The following PRDM7 variants were observed in gnomAD, a reference collection of about 807,000 sequenced individuals.
PRDM7 encodes histone-lysine N-methyltransferase PRDM7.
Under a neutral mutation model 64.3 loss-of-function variants are expected in PRDM7, and 52 were observed. That is an observed-to-expected ratio of 0.81 (90% CI 0.65 to 1.02). The LOEUF is 1.02. Ranked by LOEUF, PRDM7 falls within the 50% of genes least tolerant of loss-of-function variation. PRDM7 has a pLI of 0.00. For synonymous variants in PRDM7, 192 were observed against 210.1 expected (o/e 0.91, Z 0.74); for missense variants, 574 against 597.1 (o/e 0.96, Z 0.40).
chr16:90,063,819 T>A, intron 5 of PRDM7, 51 bp from the exon 6 acceptor site: 1 of 1,597,662 alleles, frequency 6.3e-7, no homozygotes, highest in Non-Finnish European at 8.6e-7. Context: ...TATTTAGTTC[T>A]TTACGGCTTG....
intron 4 of PRDM7, among the ~76,000 whole-genome samples, chr16:90,068,651 A>C (rs2151310797): frequency 6.6e-6 from 1 of 151,204 alleles, no homozygotes; most frequent in East Asian, 1.9e-4. Context: ...AAAAAAAAAA[A>C]AGAAGTAATA....
intron 4 of PRDM7, among the ~76,000 whole-genome samples, chr16:90,073,441 C>T (rs2037990890): frequency 1.3e-5 from 2 of 151,238 alleles, no homozygotes; most frequent in Non-Finnish European, 2.9e-5. Flanking sequence ...GCTCTGTCGC[C>T]CAGGCCGGAG....
At chr16:90,069,417 C>G (rs1255392270) in intron 4 of PRDM7, among the ~76,000 whole-genome samples, 1 of 151,292 alleles carries the variant, frequency 6.6e-6, no homozygotes, top group Non-Finnish European at 1.5e-5. Flanking sequence ...GAAGAAAACA[C>G]AGAGGAAAAG....
intron 5 of PRDM7, among the ~76,000 whole-genome samples, chr16:90,066,072 T>C (rs2151309189): frequency 6.6e-6 from 1 of 151,518 alleles, no homozygotes; most frequent in East Asian, 1.9e-4. Flanking sequence ...TACTGCCTTC[T>C]ACAGGAATGA....
Position 90,075,827 on chromosome 16 carries a change from T to A in PRDM7, c.69+15A>T. 1 of 1,613,004 alleles carries A rather than the reference T, an allele frequency of 6.2e-7. No homozygotes were observed. Among genetic ancestry groups the A allele is most frequent in the Middle Eastern group, 1.6e-4 (1 of 6,062 alleles). ...CTCCTGCTGGGAGTCTGGCTTCGCC[T>A]CCCCGACTTCTCACCATGGGCTTCC... On this transcript the variant is annotated intron_variant, in intron 2 of 10. Transcript: ENST00000449207. The surrounding 1 kb of genome is among the most constrained non-coding windows in gnomAD (Gnocchi z 4.3).
intron 4 of PRDM7, among the ~76,000 whole-genome samples, chr16:90,068,771 CA>C (rs1442947555): frequency 6.6e-6 from 1 of 150,948 alleles, no homozygotes; most frequent in Non-Finnish European, 1.5e-5. Flanking sequence ...ACAATAGCAT[CA>C]AAAAGAATAG....
At chr16:90,063,503 C>G in intron 6 of PRDM7, 109 bp downstream of exon 6, 1 of 1,225,152 alleles carries the variant, frequency 8.2e-7, no homozygotes, top group Admixed American at 2.3e-5. Flanking sequence ...ACAGTTGAGT[C>G]CAGCTTAAGC....
At chr16:90,062,603 C>T (rs1467471516) in intron 6 of PRDM7, 101 bp from the exon 7 acceptor site, 5 of 1,034,830 alleles carry the variant, frequency 4.8e-6, no homozygotes, top group Non-Finnish European at 7.6e-6. Context: ...TTAGCATCTA[C>T]CTTTCTACAT....
In PRDM7 at chr16:90,077,302, C is replaced by G. The variant is rs1475791799; in HGVS notation, c.-162G>C. 1 of 152,340 alleles carries G rather than the reference C, an allele frequency of 6.6e-6. No individual in the cohort carries two copies. The highest frequency in any genetic ancestry group is 1.5e-5 in the Non-Finnish European group (1 of 68,112). 9.4% of individuals were successfully genotyped at this position (152,340 alleles called of 1,614,324 possible). A position where few individuals can be genotyped will look rare whatever the true frequency, so the allele number is the denominator to read the frequency against. On this transcript the variant is annotated 5_prime_UTR_variant, in exon 1 of 11. Transcript: ENST00000449207. Reference sequence around the variant, plus strand: ...GTTTTCTCCTGCCGCGGTGTTCACCCTGGCCGGGCGTCTTCTCGGAGCCGC... The same window carrying G: ...GTTTTCTCCTGCCGCGGTGTTCACCGTGGCCGGGCGTCTTCTCGGAGCCGC...
At chr16:90,068,356 C>T (rs570870041) in intron 4 of PRDM7, among the ~76,000 whole-genome samples, 10 of 151,188 alleles carry the variant, frequency 6.6e-5, no homozygotes, top group African/African-American at 1.2e-4. Flanking sequence ...CGAATTTGGG[C>T]TGGGCATGGT....
intron 1 of PRDM7, 44 bp from the exon 2 acceptor site, chr16:90,076,039 A>G: frequency 9.7e-7 from 1 of 1,034,166 alleles, no homozygotes; most frequent in South Asian, 1.4e-5. Context: ...AGCCCTGAGC[A>G]CTACCCAGAA....
In PRDM7 at chr16:90,057,846, C is replaced by T. The variant is rs2037707122; in HGVS notation, c.*443G>A. ...GTTTTATTACTAATGACTTACTCAT[C>T]CTTCCTGCAGACTGGGGCGTCTCCC... On this transcript the variant is annotated 3_prime_UTR_variant, in exon 11 of 11. Coordinates refer to ENST00000449207, the MANE Select transcript of PRDM7 (RefSeq NM_001098173.2). 8 of 1,504,584 alleles carry T rather than the reference C, an allele frequency of 5.3e-6. No homozygotes were observed. Among genetic ancestry groups the T allele is most frequent in the Non-Finnish European group, 6.3e-6 (7 of 1,110,206 alleles). The allele number at this position is 1,504,584 out of a possible 1,614,324, so 93.2% of individuals were successfully genotyped here. A position where few individuals can be genotyped will look rare whatever the true frequency, so the allele number is the denominator to read the frequency against.
At chr16:90,076,091 G>C (rs2038032913) in intron 1 of PRDM7, 96 bp from the exon 2 acceptor site, 1 of 703,724 alleles carries the variant, frequency 1.4e-6, no homozygotes, top group South Asian at 1.9e-5. Context: ...GTTCAGAGCA[G>C]GAAGACTGGG....
chr16:90,062,408 G>T lies in PRDM7; in HGVS notation c.603C>A (p.Asp201Glu), dbSNP rs546969668. Residue 201 changes from aspartate to glutamate, a missense_variant, in exon 7 of 11, where the codon GAC (aspartate) becomes GAA (glutamate). Physicochemically the swap from Asp to Glu is conservative, Grantham distance 45. Coordinates refer to ENST00000449207, the MANE Select transcript of PRDM7 (RefSeq NM_001098173.2). ...GCTGAAAGGGTCACTCACAGAGGTA[G>T]TCATCATCCTGTGGCTCGCTGATCT... Reference protein sequence around the residue: ...YKEISEPQDDDYLYCEMCQNF... With the variant: ...YKEISEPQDDEYLYCEMCQNF... 6.2e-7 allele frequency: 1 copy of T among 1,614,016 alleles called. No individual in the cohort carries two copies. The highest frequency in any genetic ancestry group is 8.5e-7 in the Non-Finnish European group (1 of 1,179,880).
chr16:90,059,731 A>C (rs952115683), intron 10 of PRDM7, among the ~76,000 whole-genome samples: 4 of 152,138 alleles, frequency 2.6e-5, no homozygotes, highest in African/African-American at 9.7e-5. Flanking sequence ...CTCAGCTCTC[A>C]CACCGATCCC....
chr16:90,061,910 G>GCT lies in PRDM7; in HGVS notation c.882+9_882+10dup. ...GAAGACAGAACAGGGGAAACAGCAGGCTCTTCTTACTAGCCAGGAATATCC... is the reference window on the plus strand; with the variant it reads ...GAAGACAGAACAGGGGAAACAGCAGGCTCTCTTCTTACTAGCCAGGAATATCC... On this transcript the variant is annotated intron_variant, in intron 8 of 10. Coordinates refer to ENST00000449207, the MANE Select transcript of PRDM7 (RefSeq NM_001098173.2). The GCT allele has an allele frequency of 6.2e-7, 1 of 1,614,186 alleles. No individual in the cohort carries two copies. Among genetic ancestry groups the GCT allele is most frequent in the South Asian group, 1.1e-5 (1 of 91,082 alleles).
intron 4 of PRDM7, among the ~76,000 whole-genome samples, chr16:90,073,665 C>T (rs2037994274): frequency 6.6e-6 from 1 of 152,082 alleles, no homozygotes; most frequent in Non-Finnish European, 1.5e-5. Flanking sequence ...TCCCAAAGTG[C>T]TGGGATTACA....
intron 4 of PRDM7, among the ~76,000 whole-genome samples, chr16:90,068,206 G>A (rs2037905321): frequency 6.6e-6 from 1 of 150,814 alleles, no homozygotes; most frequent in African/African-American, 2.5e-5. Context: ...TTGAATCTGG[G>A]AGGCAGAGGT....
intron 10 of PRDM7, 33 bp downstream of exon 10, chr16:90,060,308 C>G: frequency 6.2e-7 from 1 of 1,613,656 alleles, no homozygotes; most frequent in Non-Finnish European, 8.5e-7. Context: ...TCTTTCTTTC[C>G]TGTCCTTTTA....
Sources: allele counts gnomAD v4.1 joint callset (sites outside exome capture counted in the v4.1 genomes callset), GRCh38; gene constraint gnomAD v4.1.1; non-coding constraint Gnocchi (gnomAD v3.1); transcripts MANE v1.5; gene names NCBI Gene and HGNC (gene_info 2026-07-23, HGNC 2026-07-21).